Variants in CANT1 observed in about 807,000 individuals in gnomAD.
The protein encoded by CANT1 is calcium activated nucleotidase 1, also known as soluble calcium-activated nucleotidase 1.
Under a neutral mutation model 30.0 loss-of-function variants are expected in CANT1, and 26 were observed. The observed-to-expected ratio is 0.87, with a 90% CI of 0.64 to 1.20. The LOEUF (loss-of-function observed/expected upper bound fraction) is 1.20, where lower values mean the gene tolerates loss of function less well. Among genes scored for constraint, CANT1 ranks in the 50% most tolerant of loss-of-function variants. The pLI, the probability that CANT1 is intolerant of heterozygous loss-of-function variation, is 0.00. For synonymous variants in CANT1, 246 were observed against 251.8 expected (o/e 0.98, Z 0.22); for missense variants, 518 against 563.0 (o/e 0.92, Z 0.81).
chr17:79,000,184 C>T (rs903633765), intron 1 of CANT1: 1 of 152,328 alleles, frequency 6.6e-6, no homozygotes, highest in South Asian at 2.1e-4. Flanking sequence ...CCTCGTCTCC[C>T]CTTGGGAAGG....
Position 79,002,028 on chromosome 17 carries a change from G to A in CANT1, c.-146-4065C>T, listed in dbSNP as rs972610253. On this transcript the variant is annotated intron_variant, in intron 1 of 4. Coordinates refer to ENST00000392446, the MANE Select transcript of CANT1 (RefSeq NM_001159773.2). This position sits in a 1 kb window ranked among gnomAD's most constrained non-coding sequence, Gnocchi z 4.0. The stretch of plus-strand genomic sequence containing the variant: ...CGCTTCCCTTCTCCCCATCCACACA[G>A]CCTCGGCTCCAGTTCCATCTCACCC... Among the ~76,000 whole-genome samples the A allele has an allele frequency of 2.6e-5, 4 of 151,736 alleles. No homozygotes were observed. Among genetic ancestry groups the A allele is most frequent in the African/African-American group, 9.7e-5 (4 of 41,260 alleles).
intron 1 of CANT1, among the ~76,000 whole-genome samples, chr17:78,999,446 G>A (rs544993416): frequency 6.6e-5 from 10 of 152,218 alleles, no homozygotes; most frequent in African/African-American, 1.7e-4. Context: ...CACTGAGCTC[G>A]AATTACTCTA....
chr17:78,997,752 T>G lies in CANT1; in HGVS notation c.-23+88A>C. On this transcript the variant is annotated intron_variant, in intron 2 of 4. Coordinates refer to ENST00000392446, the MANE Select transcript of CANT1 (RefSeq NM_001159773.2). The surrounding 1 kb of genome is among the most constrained non-coding windows in gnomAD (Gnocchi z 7.5). ...AGGCTGACTTTTCCAGAAGAAACAG[T>G]ATTTCACTACTCTGTGGCCATTCTT... The G allele has an allele frequency of 1.0e-6, 1 of 952,584 alleles. No individual in the cohort carries two copies. The highest frequency in any genetic ancestry group is 1.5e-6 in the Non-Finnish European group (1 of 658,650). 59.0% of individuals were successfully genotyped at this position (952,584 alleles called of 1,614,324 possible).
chr17:78,998,825 A>C lies in CANT1; in HGVS notation c.-146-862T>G, dbSNP rs2071135853. ...TCTGCCCTCCAACTATAGCTCAGTGAATCCCGGCCTGAGAAGCTTCCCTGG... is the reference window on the plus strand; with the variant it reads ...TCTGCCCTCCAACTATAGCTCAGTGCATCCCGGCCTGAGAAGCTTCCCTGG... On this transcript the variant is annotated intron_variant, in intron 1 of 4. Transcript: ENST00000392446. This position sits in a 1 kb window ranked among gnomAD's most constrained non-coding sequence, Gnocchi z 4.5. 6.6e-6 allele frequency among the ~76,000 whole-genome samples: 1 copy of C among 152,222 alleles called. No individual in the cohort carries two copies. Among genetic ancestry groups the C allele is most frequent in the Non-Finnish European group, 1.5e-5 (1 of 68,034 alleles).
intron 1 of CANT1, chr17:79,005,560 G>C (rs2071520316): frequency 6.6e-6 from 1 of 152,184 alleles, no homozygotes; most frequent in African/African-American, 2.4e-5. Flanking sequence ...TCAGGATCCA[G>C]GCAGGGCAGG....
At chr17:79,006,392 T>C (rs2071553042) in intron 1 of CANT1, among the ~76,000 whole-genome samples, 1 of 109,706 alleles carries the variant, frequency 9.1e-6, no homozygotes. Flanking sequence ...TCTCACTACT[T>C]TAAGGCCGGC....
Position 79,008,892 on chromosome 17 carries a change from TG to T in CANT1, c.-147+771del, listed in dbSNP as rs1011587254. Among the ~76,000 whole-genome samples, 3 of 151,988 alleles carry T rather than the reference TG, an allele frequency of 2.0e-5. No individual in the cohort carries two copies. The highest frequency in any genetic ancestry group is 7.3e-5 in the African/African-American group (3 of 41,370). ...GTGTGCCTGGAGGAAGGCTCCAAAT[TG>T]GATGAGGGCAGGGAGAGCAAGGACT... is the stretch of plus-strand genomic sequence containing the variant. On this transcript the variant is annotated intron_variant, in intron 1 of 4. Transcript: ENST00000392446. The surrounding 1 kb of genome is among the most constrained non-coding windows in gnomAD (Gnocchi z 4.4).
intron 1 of CANT1, among the ~76,000 whole-genome samples, chr17:79,001,860 C>T (rs1159843462): frequency 4.6e-5 from 7 of 152,258 alleles, no homozygotes; most frequent in African/African-American, 1.4e-4. Context: ...CCTCCTCATC[C>T]GATACCCACA....
chr17:79,007,202 TC>T (rs2071584551), intron 1 of CANT1, among the ~76,000 whole-genome samples: 1 of 152,202 alleles, frequency 6.6e-6, no homozygotes, highest in Non-Finnish European at 1.5e-5. Flanking sequence ...GATGATTTTT[TC>T]CTAATTAACC....
In CANT1 at chr17:78,995,045, G is replaced by A. The variant is rs776518004; in HGVS notation, c.808C>T (p.Arg270Trp). The change falls in exon 4 of 5, where the codon CGG becomes TGG. Residue 270 changes from arginine to tryptophan, a missense_variant. Physicochemically the swap from Arg to Trp is moderately radical, Grantham distance 101 (BLOSUM62 -3). Around this residue, in one of 3 missense-constraint regions of CANT1, gnomAD observed 221 missense variants for 211.8 expected, o/e 1.04. Coordinates refer to ENST00000392446, the MANE Select transcript of CANT1 (RefSeq NM_001159773.2). This position sits in a 1 kb window ranked among gnomAD's most constrained non-coding sequence, Gnocchi z 5.7. ...GGCGGCTGGATGCCGGCAGCAGCCCGCAGGGCGTTGTAGTTGGACACCCAG... is the reference window on the plus strand; with the variant it reads ...GGCGGCTGGATGCCGGCAGCAGCCCACAGGGCGTTGTAGTTGGACACCCAG... ...ENWVSNYNAL[R>W]AAAGIQPPGY... 51 of 1,588,738 alleles carry A rather than the reference G, an allele frequency of 3.2e-5. No individual in the cohort carries two copies. The highest frequency in any genetic ancestry group is 3.5e-4 in the Middle Eastern group (2 of 5,666).
Position 78,992,122 on chromosome 17 carries a change from C to T in CANT1, c.*1428G>A, listed in dbSNP as rs2070859715. The T allele has an allele frequency of 4.3e-6, 1 of 231,838 alleles. No individual in the cohort carries two copies. The highest frequency in any genetic ancestry group is 1.8e-4 in the South Asian group (1 of 5,532). The allele number at this position is 231,838 out of a possible 1,614,324, so 14.4% of individuals were successfully genotyped here. ...AATGCGTCACATTCAGCGTTCACTT[C>T]CTTCGCTTCCTCCACTACCTATGAC... is the stretch of plus-strand genomic sequence containing the variant. On this transcript the variant is annotated 3_prime_UTR_variant, in exon 5 of 5. Transcript: ENST00000392446.
rs143566166 is a variant in CANT1 at position 79,002,944 on chromosome 17, AC to A, written c.-146-4982del. 0.037 allele frequency among the ~76,000 whole-genome samples: 5,571 copies of A among 151,916 alleles called. 135 individuals are homozygous for A. Among genetic ancestry groups the A allele is most frequent in the African/African-American group, 0.066 (2,716 of 41,444 alleles). ...ATCTACACCGTGGCACACGCTCCCC[AC>A]CCGGGAGGCTCATGTCCTCTGACCA... On this transcript the variant is annotated intron_variant, in intron 1 of 4. Coordinates refer to ENST00000392446, the MANE Select transcript of CANT1 (RefSeq NM_001159773.2). The surrounding 1 kb of genome is among the most constrained non-coding windows in gnomAD (Gnocchi z 4.0).
rs528649375 is a variant in CANT1 at position 78,996,918 on chromosome 17, G to A, written c.631+74C>T. The A allele has an allele frequency of 5.0e-6, 8 of 1,585,790 alleles. No homozygotes were observed. The African/African-American group carries it at 1.1e-4, about 21-fold the overall frequency. ...TAGGTGTGTGAATTCTTTACCATGT[G>A]CCTGTGTTTGCCAGCCAGGCCCTGA... On this transcript the variant is annotated intron_variant, in intron 3 of 4. Transcript: ENST00000392446. This position sits in a 1 kb window ranked among gnomAD's most constrained non-coding sequence, Gnocchi z 5.1.
chr17:78,997,638 GCGGGAC>G lies in CANT1; in HGVS notation c.-22_-17del. 6.4e-7 allele frequency: 1 copy of G among 1,557,814 alleles called. No homozygotes were observed. The highest frequency in any genetic ancestry group is 1.2e-5 in the South Asian group (1 of 82,652). ...GCACGGGCATCAGCGTGACAGACAG[GCGGGAC>G]CTGCACAGCCAGGGAGGGAGGAGAG... On this transcript the variant is annotated splice_region_variant and 5_prime_UTR_variant, in exon 3 of 5. Coordinates refer to ENST00000392446, the MANE Select transcript of CANT1 (RefSeq NM_001159773.2). The surrounding 1 kb of genome is among the most constrained non-coding windows in gnomAD (Gnocchi z 7.5).
chr17:78,998,466 G>A lies in CANT1; in HGVS notation c.-146-503C>T, dbSNP rs148743146. Among the ~76,000 whole-genome samples, 507 of 152,354 alleles carry A rather than the reference G, an allele frequency of 3.3e-3. 3 individuals are homozygous for A. The highest frequency in any genetic ancestry group is 0.011 in the African/African-American group (476 of 41,582). ...GAGGCCAGCGTGTCTGTGCCTTGGCGCCAAAGAACTGCTCGGCTCACTGCG... is the reference window on the plus strand; with the variant it reads ...GAGGCCAGCGTGTCTGTGCCTTGGCACCAAAGAACTGCTCGGCTCACTGCG... On this transcript the variant is annotated intron_variant, in intron 1 of 4. Transcript: ENST00000392446. The surrounding 1 kb of genome is among the most constrained non-coding windows in gnomAD (Gnocchi z 4.5).
At chr17:79,009,357 G>A (rs1307195917) in intron 1 of CANT1, among the ~76,000 whole-genome samples, 1 of 152,188 alleles carries the variant, frequency 6.6e-6, no homozygotes, top group African/African-American at 2.4e-5. Flanking sequence ...AGAGAGGAGG[G>A]GTGCCCACAC....
At chr17:78,994,014 G>A in intron 4 of CANT1, 94 bp from the exon 5 acceptor site, 1 of 1,464,636 alleles carries the variant, frequency 6.8e-7, no homozygotes, top group Non-Finnish European at 9.1e-7. Flanking sequence ...GCAAGGGGCT[G>A]CGACCACCAG....
Position 78,997,045 on chromosome 17 carries a change from C to T in CANT1, c.578G>A (p.Ser193Asn). ...RTGVVYQIEGSKAVPWVILSD... is the reference protein window; with the variant it reads ...RTGVVYQIEGNKAVPWVILSD... The stretch of plus-strand genomic sequence containing the variant: ...CAGAATCACCCAGGGCACGGCTTTG[C>T]TGCCTTCGATCTGGTAGACGACCCC... The change falls in exon 3 of 5, where the codon AGC (serine) becomes AAC (asparagine). Residue 193 changes from serine to asparagine, a missense_variant. By Grantham distance (46) the Ser-to-Asn change is conservative. Around this residue, in one of 3 missense-constraint regions of CANT1, gnomAD observed 249 missense variants for 268.8 expected, o/e 0.93. Coordinates refer to ENST00000392446, the MANE Select transcript of CANT1 (RefSeq NM_001159773.2). This position sits in a 1 kb window ranked among gnomAD's most constrained non-coding sequence, Gnocchi z 7.5. 1 of 1,614,230 alleles carries T rather than the reference C, an allele frequency of 6.2e-7. No individual in the cohort carries two copies. The highest frequency in any genetic ancestry group is 1.3e-5 in the African/African-American group (1 of 75,062).
At chr17:79,005,115 A>G (rs372497934) in intron 1 of CANT1, among the ~76,000 whole-genome samples, 31 of 14,640 alleles carry the variant, frequency 2.1e-3, no homozygotes, top group East Asian at 0.011. Context: ...GTTAGGGAGA[A>G]GGGAGTTAGG....
Sources: allele counts gnomAD v4.1 joint callset (sites outside exome capture counted in the v4.1 genomes callset), GRCh38; gene constraint gnomAD v4.1.1; regional missense constraint gnomAD v4.1.1; non-coding constraint Gnocchi (gnomAD v3.1); transcripts MANE v1.5; gene names NCBI Gene and HGNC (gene_info 2026-07-23, HGNC 2026-07-21).